KAZN: variants seen among roughly 807,000 people sequenced by gnomAD.
KAZN encodes kazrin.
Under a neutral mutation model 87.4 loss-of-function variants are expected in KAZN, and 40 were observed. The observed-to-expected ratio is 0.46, with a 90% confidence interval of 0.36 to 0.60. The LOEUF is 0.60. Among genes scored for constraint, KAZN ranks in the 20% least tolerant of loss-of-function variants. The pLI is 0.00. For missense variants in KAZN, 898 were observed against 1,073.9 expected, an observed-to-expected ratio of 0.84 and a Z score of 2.29; for synonymous variants, 466 against 458.3, an observed-to-expected ratio of 1.02 and a Z score of -0.22.
chr1:14,401,548 G>A (rs1299779041), intron 2 of KAZN, among the ~76,000 whole-genome samples: 3 of 152,094 alleles, frequency 2.0e-5, no homozygotes, highest in Non-Finnish European at 4.4e-5. Flanking sequence ...TGGCACAGTG[G>A]CCCATGCCTG....
intron 2 of KAZN, among the ~76,000 whole-genome samples, chr1:14,315,335 G>T (rs1033241086): frequency 6.6e-6 from 1 of 152,076 alleles, no homozygotes; most frequent in Non-Finnish European, 1.5e-5. Flanking sequence ...CAGTGAAGCA[G>T]ATAGTGTTAT....
At chr1:14,660,188 G>A (rs1033205441) in intron 1 of KAZN, among the ~76,000 whole-genome samples, 4 of 152,152 alleles carry the variant, frequency 2.6e-5, no homozygotes, top group Admixed American at 6.5e-5. Flanking sequence ...GCAACTGCCC[G>A]TGCCCGAACA....
Position 15,104,019 on chromosome 1 carries a change from C to T in KAZN, c.1882-4C>T, listed in dbSNP as rs1283648559. On this transcript the variant is annotated splice_region_variant and splice_polypyrimidine_tract_variant and intron_variant, in intron 12 of 14. Transcript: ENST00000376030. ...GCTAACAAGTCCCCTGCCTTTGCCCCCAGGAGTACGCAGACAACCTGACCA... is the reference window on the plus strand; with the variant it reads ...GCTAACAAGTCCCCTGCCTTTGCCCTCAGGAGTACGCAGACAACCTGACCA... 1 of 1,613,014 alleles carries T rather than the reference C, an allele frequency of 6.2e-7. No homozygotes were observed. The highest frequency in any genetic ancestry group is 1.7e-5 in the Admixed American group (1 of 59,966).
intron 2 of KAZN, among the ~76,000 whole-genome samples, chr1:14,442,243 G>A (rs1666745635): frequency 6.6e-6 from 1 of 152,216 alleles, no homozygotes; most frequent in African/African-American, 2.4e-5. Context: ...ATATGATTTG[G>A]ATTGCGGCTT....
intron 1 of KAZN, among the ~76,000 whole-genome samples, chr1:14,637,459 G>A (rs1229768823): frequency 6.6e-6 from 1 of 152,084 alleles, no homozygotes; most frequent in Non-Finnish European, 1.5e-5. Flanking sequence ...ACTTGCCAAG[G>A]GCACACAGTG....
intron 1 of KAZN, among the ~76,000 whole-genome samples, chr1:14,603,719 G>A (rs1000638301): frequency 2.0e-5 from 3 of 152,076 alleles, no homozygotes; most frequent in African/African-American, 7.2e-5. Flanking sequence ...GGCATGATAG[G>A]CCCTCTCTCC....
chr1:14,371,174 G>A (rs1045357050), intron 2 of KAZN, among the ~76,000 whole-genome samples: 13 of 152,282 alleles, frequency 8.5e-5, no homozygotes, highest in Middle Eastern at 3.4e-3. Flanking sequence ...TCAGTTAGTT[G>A]GTCTGCGGTA....
At chr1:14,186,055 A>G (rs891327265) in intron 2 of KAZN, among the ~76,000 whole-genome samples, 2 of 152,196 alleles carry the variant, frequency 1.3e-5, no homozygotes, top group Non-Finnish European at 2.9e-5. Context: ...AATAGTGTCT[A>G]TCAAACTGGT....
At chr1:14,397,091 T>C (rs1662966209) in intron 2 of KAZN, among the ~76,000 whole-genome samples, 1 of 152,220 alleles carries the variant, frequency 6.6e-6, no homozygotes, top group African/African-American at 2.4e-5. Flanking sequence ...TGAAATAGGA[T>C]TGCAGTAATA....
intron 2 of KAZN, among the ~76,000 whole-genome samples, chr1:14,244,878 C>T (rs547437324): frequency 5.9e-5 from 9 of 152,110 alleles, no homozygotes; most frequent in African/African-American, 1.7e-4. Flanking sequence ...TGCTTTTATT[C>T]GGAGCGAGTT....
intron 1 of KAZN, among the ~76,000 whole-genome samples, chr1:14,161,318 C>T (rs572932956): frequency 6.6e-6 from 1 of 152,324 alleles, no homozygotes; most frequent in South Asian, 2.1e-4. Context: ...TTCTGGCTCC[C>T]TGTCTCTCAT....
chr1:14,470,260 AC>A (rs1340209653), intron 2 of KAZN, among the ~76,000 whole-genome samples: 1 of 152,190 alleles, frequency 6.6e-6, no homozygotes, highest in Middle Eastern at 3.2e-3. Flanking sequence ...GACTGATAAA[AC>A]ATGAAGCAGC....
intron 1 of KAZN, among the ~76,000 whole-genome samples, chr1:14,697,140 CAAA>C (rs1172632955): frequency 4.4e-5 from 3 of 67,778 alleles, no homozygotes; most frequent in African/African-American, 9.9e-5. Context: ...AACAAACCAA[CAAA>C]AAAAAAAAAA....
chr1:14,204,441 T>C (rs1646698499), intron 2 of KAZN, among the ~76,000 whole-genome samples: 1 of 152,240 alleles, frequency 6.6e-6, no homozygotes. Flanking sequence ...AAACTGCTAA[T>C]GTCTTTACTT....
intron 2 of KAZN, among the ~76,000 whole-genome samples, chr1:14,190,618 G>C (rs1259010862): frequency 6.6e-6 from 1 of 152,124 alleles, no homozygotes; most frequent in Non-Finnish European, 1.5e-5. Flanking sequence ...TCGCTTTAGA[G>C]ACTAGACACC....
At chr1:14,350,596 T>C (rs1658462144) in intron 2 of KAZN, among the ~76,000 whole-genome samples, 1 of 152,202 alleles carries the variant, frequency 6.6e-6, no homozygotes, top group Non-Finnish European at 1.5e-5. Context: ...AGTTCAGGAA[T>C]GCTGCTGAAT....
chr1:14,082,752 C>A (rs1189805309), intron 1 of KAZN, among the ~76,000 whole-genome samples: 3 of 152,144 alleles, frequency 2.0e-5, no homozygotes, highest in African/African-American at 7.2e-5. Context: ...GGATCAGGAG[C>A]CTTTCTTTGT....
chr1:14,657,363 G>A lies in KAZN; in HGVS notation c.226+58140G>A, dbSNP rs542338616. Among the ~76,000 whole-genome samples, 22 of 152,294 alleles carry A rather than the reference G, an allele frequency of 1.4e-4. 1 individual carries two copies. In the South Asian group the frequency reaches 4.4e-3, roughly 30 times the overall value. On this transcript the variant is annotated intron_variant, in intron 1 of 14. Coordinates refer to ENST00000376030, the MANE Select transcript of KAZN (RefSeq NM_201628.3). ...CTCCCAGAGTGCTGGGATTATAGGC[G>A]TGAGCCACCATGCCTGGCTGGGAGA...
intron 1 of KAZN, among the ~76,000 whole-genome samples, chr1:14,955,246 A>T (rs1367083694): frequency 6.6e-6 from 1 of 152,174 alleles, no homozygotes; most frequent in Admixed American, 6.5e-5. Context: ...GGGGAAGGTG[A>T]GTTGTGGACA....
Sources: allele counts gnomAD v4.1 joint callset (sites outside exome capture counted in the v4.1 genomes callset), GRCh38; gene constraint gnomAD v4.1.1; transcripts MANE v1.5; gene names NCBI Gene and HGNC (gene_info 2026-07-23, HGNC 2026-07-21).